Variants in MUC6 observed in about 807,000 individuals in gnomAD.
MUC6 encodes mucin-6.
In MUC6, 188 loss-of-function variants were observed where a neutral mutation model predicts 201.5. The ratio of observed to expected loss-of-function variants is 0.93; its 90% CI spans 0.83 to 1.05. The LOEUF (loss-of-function observed/expected upper bound fraction) is 1.05. MUC6 is among the 50% of genes least tolerant of loss of function. The probability of loss-of-function intolerance (pLI) is 0.00; values close to 1 mark genes in which losing one functional copy is unlikely to be tolerated. For synonymous variants in MUC6, 1,228 were observed against 1,389.4 expected (o/e 0.88, Z 2.58); for missense variants, 2,706 against 3,256.9 (o/e 0.83, Z 4.12).
intron 1 of MUC6, among the ~76,000 whole-genome samples, chr11:1,035,246 C>T (rs962913666): frequency 6.6e-6 from 1 of 152,234 alleles, no homozygotes; most frequent in African/African-American, 2.4e-5. Context: ...CTTGGCCCTC[C>T]ACCCTCTGCA....
chr11:1,032,868 TG>T, intron 2 of MUC6, 144 bp downstream of exon 2: 1 of 629,964 alleles, frequency 1.6e-6, no homozygotes, highest in South Asian at 2.2e-5. Context: ...GTGTGTTGGG[TG>T]TATGTGCATG....
chr11:1,019,113 C>T (rs919508611), intron 30 of MUC6, among the ~76,000 whole-genome samples, 162 bp downstream of exon 30: 2 of 152,250 alleles, frequency 1.3e-5, no homozygotes, highest in Admixed American at 6.5e-5. Flanking sequence ...GAGTGCCAGG[C>T]GGCCTTCCTT....
At chr11:1,035,388 C>T (rs1564847426) in intron 1 of MUC6, among the ~76,000 whole-genome samples, 2 of 152,288 alleles carry the variant, frequency 1.3e-5, no homozygotes, top group East Asian at 3.9e-4. Flanking sequence ...CACTTGTCCC[C>T]AAGCTGTGCC....
At chr11:1,023,039 ATG>A (rs1005679621) in intron 26 of MUC6, among the ~76,000 whole-genome samples, 4 of 142,028 alleles carry the variant, frequency 2.8e-5, no homozygotes, top group Non-Finnish European at 4.7e-5. Flanking sequence ...TGTTGAGTGA[ATG>A]TGCGTGAATG....
In MUC6 at chr11:1,020,685, TGTGGTGGGCAGCTGCGGC is replaced by T. The variant is rs751732530; in HGVS notation, c.3621_3638del (p.Pro1208_Thr1213del). On this transcript the variant is annotated inframe_deletion and splice_region_variant, in exon 28 of 33. Coordinates refer to ENST00000421673, the MANE Select transcript of MUC6 (RefSeq NM_005961.3). The stretch of plus-strand genomic sequence containing the variant: ...GGCACCTAGTGTGCGTGCAATTACC[TGTGGTGGGCAGCTGCGGC>T]GTGGTGGGTGGCTGCGGCGTGGTGG... 25 of 1,613,544 alleles carry T rather than the reference TGTGGTGGGCAGCTGCGGC, an allele frequency of 1.5e-5. No homozygotes were observed. The highest frequency in any genetic ancestry group is 1.0e-4 in the Admixed American group (6 of 60,014).
At chr11:1,029,951 GC>G (rs1316592626) in intron 8 of MUC6, among the ~76,000 whole-genome samples, 1 of 152,246 alleles carries the variant, frequency 6.6e-6, no homozygotes, top group African/African-American at 2.4e-5. Flanking sequence ...CTCAAACCCT[GC>G]CTTCCCTCGG....
intron 1 of MUC6, among the ~76,000 whole-genome samples, chr11:1,035,267 C>CCCAGA (rs1857192338): frequency 6.6e-6 from 1 of 152,232 alleles, no homozygotes; most frequent in Non-Finnish European, 1.5e-5. Context: ...CTGCCCACAG[C>CCCAGA]CCAGACCTCC....
chr11:1,013,639 G>C lies in MUC6; in HGVS notation c.7143-6C>G. The C allele has an allele frequency of 1.3e-6, 2 of 1,557,156 alleles. No homozygotes were observed. Among genetic ancestry groups the C allele is most frequent in the Non-Finnish European group, 1.7e-6 (2 of 1,151,646 alleles). On this transcript the variant is annotated splice_region_variant and splice_polypyrimidine_tract_variant and intron_variant, in intron 32 of 32. Coordinates refer to ENST00000421673, the MANE Select transcript of MUC6 (RefSeq NM_005961.3). ...GCTGGGTGATGATGTTGAAGCTGCC[G>C]AGAAGTCAAGACAGAGCAGGGTCAT...
Position 1,026,580 on chromosome 11 carries a change from C to T in MUC6, c.2395-102G>A, listed in dbSNP as rs1057062935. 31 of 1,308,882 alleles carry T rather than the reference C, an allele frequency of 2.4e-5. No homozygotes were observed. The Middle Eastern group carries it at 8.2e-4, about 34-fold the overall frequency. 81.1% of individuals were successfully genotyped at this position (1,308,882 alleles called of 1,614,324 possible). A position where few individuals can be genotyped will look rare whatever the true frequency, so the allele number is the denominator to read the frequency against. On this transcript the variant is annotated intron_variant, in intron 19 of 32. Coordinates refer to ENST00000421673, the MANE Select transcript of MUC6 (RefSeq NM_005961.3). ...CTGCCCGGCGTGTCTCCCAGGTCCTCTCCCTGAATACAGCCCTGCTCTGTG... is the reference window on the plus strand; with the variant it reads ...CTGCCCGGCGTGTCTCCCAGGTCCTTTCCCTGAATACAGCCCTGCTCTGTG...
At position 1,016,515 on chromosome 11, in the gene MUC6, G is replaced by C. The variant is rs1358356402; in HGVS notation, c.6286C>G (p.Gln2096Glu). The C allele has an allele frequency of 3.1e-6, 5 of 1,610,040 alleles. No homozygotes were observed. In the East Asian group the frequency reaches 8.9e-5, roughly 29 times the overall value. ...SFISSSSWLP[Q>E]NSSSRPPSSP... is the part of the protein sequence containing the mutation. ...GACGGTGGCCTTGAGCTAGAGTTCT[G>C]AGGCAGCCAAGACGAGGAGGATATG... The change falls in exon 31 of 33, where the codon CAG becomes GAG. Residue 2096 changes from glutamine (Q) to glutamate (E), a missense_variant. Coordinates refer to ENST00000421673, the MANE Select transcript of MUC6 (RefSeq NM_005961.3).
chr11:1,019,162 G>A (rs1184195114), intron 30 of MUC6, 113 bp downstream of exon 30: 5 of 1,256,514 alleles, frequency 4.0e-6, no homozygotes, highest in African/African-American at 3.0e-5. Context: ...CTGCCTTCTC[G>A]CTTGCCCTCT....
At position 1,018,524 on chromosome 11, in the gene MUC6, G is replaced by A. The variant is rs768111836; in HGVS notation, c.4277C>T (p.Ser1426Phe). ...VPSTGPVTAT[S>F]FHATTTYPTP... is the part of the protein sequence containing the mutation. ...TGGATAGGTAGTGGTGGCATGGAAA[G>A]ATGTTGCAGTGACAGGACCTGTGGA... Residue 1426 changes from serine (S) to phenylalanine (F), a missense_variant, in exon 31 of 33, where the codon TCT becomes TTT. Ser to Phe is a radical substitution (Grantham distance 155). This residue lies in a region of MUC6 where 128 missense variants were observed against 206.5 expected (regional missense o/e 0.62). Coordinates refer to ENST00000421673, the MANE Select transcript of MUC6 (RefSeq NM_005961.3). 1.2e-6 allele frequency: 2 copies of A among 1,613,844 alleles called. No homozygotes were observed. Among genetic ancestry groups the A allele is most frequent in the Admixed American group, 3.3e-5 (2 of 60,008 alleles).
At position 1,031,035 on chromosome 11, in the gene MUC6, T is replaced by G; in HGVS notation, c.596A>C (p.Lys199Thr). Reference protein sequence around the residue: ...SEEGKFLEPHKFAALQKLDDP... With the variant: ...SEEGKFLEPHTFAALQKLDDP... The stretch of plus-strand genomic sequence containing the variant: ...GTCCAGCTTCTGGAGGGCAGCAAAC[T>G]TGTGGGGTTCCAGGAACTTGCCTGG... Residue 199 changes from lysine (K) to threonine (T), a missense_variant, in exon 6 of 33, where the codon AAG (lysine) becomes ACG (threonine). By Grantham distance (78) the Lys-to-Thr change is moderately conservative (BLOSUM62 -1). Transcript: ENST00000421673. 6.4e-7 allele frequency: 1 copy of G among 1,573,724 alleles called. No individual in the cohort carries two copies. The highest frequency in any genetic ancestry group is 8.6e-7 in the Non-Finnish European group (1 of 1,161,750).
chr11:1,036,604 C>T lies in MUC6; in HGVS notation c.52G>A (p.Gly18Ser), dbSNP rs1747896677. 1.0e-5 allele frequency: 16 copies of T among 1,548,756 alleles called. No homozygotes were observed. The highest frequency in any genetic ancestry group is 1.3e-5 in the Non-Finnish European group (15 of 1,146,452). The change falls in exon 1 of 33, where the codon GGT becomes AGT. Residue 18 changes from glycine to serine, a missense_variant and splice_region_variant. Transcript: ENST00000421673. ...LSCCGALLSA[G>S]LANTSYTSPG... ...TCTGGCGCCCCTCGACCTCACTCAC[C>T]AGCGCTGAGCAGGGCTCCGCAGCAG...
rs780883488 is a variant in MUC6, at chr11:1,026,907, G to A, written c.2394+34C>T. 12 of 1,511,434 alleles carry A rather than the reference G, an allele frequency of 7.9e-6. No homozygotes were observed. The African/African-American group carries it at 1.1e-4, about 14-fold the overall frequency. 93.6% of individuals were successfully genotyped at this position (1,511,434 alleles called of 1,614,324 possible). On this transcript the variant is annotated intron_variant, in intron 19 of 32. Coordinates refer to ENST00000421673, the MANE Select transcript of MUC6 (RefSeq NM_005961.3). Reference sequence around the variant, plus strand: ...CCCCCTCATGGTTCAGCTGGGGCCCGGGCATTGTCCCTGCTCCTCGCGCGC... The same window carrying A: ...CCCCCTCATGGTTCAGCTGGGGCCCAGGCATTGTCCCTGCTCCTCGCGCGC...
intron 25 of MUC6, 57 bp downstream of exon 25, chr11:1,023,890 C>A: frequency 6.3e-7 from 1 of 1,586,590 alleles, no homozygotes. Flanking sequence ...TGCGCCGGCC[C>A]TTAGTGGCGC....
chr11:1,030,337 T>C lies in MUC6; in HGVS notation c.893-2A>G, dbSNP rs1272503304. 3.9e-6 allele frequency: 6 copies of C among 1,547,624 alleles called. No individual in the cohort carries two copies. Among genetic ancestry groups the C allele is most frequent in the Non-Finnish European group, 3.5e-6 (4 of 1,146,466 alleles). On this transcript the variant is annotated splice_acceptor_variant, in intron 7 of 32. Coordinates refer to ENST00000421673, the MANE Select transcript of MUC6 (RefSeq NM_005961.3). LOFTEE classifies it high-confidence loss of function. ...GGTTGGCCGGGCACTGACCCACGGC[T>C]GTGGGCACACGCGGCTCCGGTGAGA...
In MUC6 at chr11:1,028,783, C is replaced by G; in HGVS notation, c.1454G>C (p.Arg485Pro). The change falls in exon 13 of 33, where the codon CGC (arginine) becomes CCC (proline). Residue 485 changes from arginine to proline, a missense_variant and splice_region_variant. Arg to Pro is a moderately radical substitution (Grantham distance 103, BLOSUM62 -2). Transcript: ENST00000421673. ...GEAKWLPYKT[R>P]NITVFRQTST... Reference sequence around the variant, plus strand: ...CGTCTGCCTGAAGACCGTGATGTTGCCTGCAGGACGCAGTGCTCAGTGGGC... The same window carrying G: ...CGTCTGCCTGAAGACCGTGATGTTGGCTGCAGGACGCAGTGCTCAGTGGGC... 6.2e-7 allele frequency: 1 copy of G among 1,610,386 alleles called. No homozygotes were observed.
intron 12 of MUC6, 30 bp from the exon 13 acceptor site, chr11:1,028,813 T>A (rs1857028442): frequency 6.2e-7 from 1 of 1,609,038 alleles, no homozygotes; most frequent in South Asian, 1.1e-5. Flanking sequence ...GTGGGCCGTC[T>A]GGGCTCCCTC....
Sources: allele counts gnomAD v4.1 joint callset (sites outside exome capture counted in the v4.1 genomes callset), GRCh38; gene constraint gnomAD v4.1.1; regional missense constraint gnomAD v4.1.1; transcripts MANE v1.5; gene names NCBI Gene and HGNC (gene_info 2026-07-23, HGNC 2026-07-21).